The following ASIP variants were observed in gnomAD, a reference collection of about 807,000 sequenced individuals.
ASIP encodes agouti-signaling protein.
Under a neutral mutation model 10.3 loss-of-function variants are expected in ASIP, and 11 were observed. The observed-to-expected ratio is 1.07, with a 90% CI of 0.68 to 1.78. ASIP has a LOEUF of 1.78. Among genes scored for constraint, ASIP ranks in the 40% most tolerant of loss-of-function variants. ASIP has a pLI of 0.00. For missense variants in ASIP, 180 were observed against 169.2 expected, an observed-to-expected ratio of 1.06 and a Z score of -0.35; for synonymous variants, 70 against 70.8, an observed-to-expected ratio of 0.99 and a Z score of 0.06.
chr20:34,246,202 CT>C, intron 1 of ASIP: 1 of 1,430,978 alleles, frequency 7.0e-7, no homozygotes, highest in Non-Finnish European at 9.6e-7. Context: ...CCTTAGTAAG[CT>C]TTTGTGGTAT....
upstream of ASIP, among the ~76,000 whole-genome samples, chr20:34,239,409 G>A (rs2035254089): frequency 6.6e-6 from 1 of 152,058 alleles, no homozygotes; most frequent in Admixed American, 6.5e-5. Flanking sequence ...TAGAGACGGG[G>A]TATCACCATG....
intron 3 of ASIP, among the ~76,000 whole-genome samples, chr20:34,263,960 C>T (rs985908370): frequency 2.0e-4 from 30 of 151,990 alleles, no homozygotes; most frequent in African/African-American, 7.2e-4. Flanking sequence ...GGTGAGCCAC[C>T]TTGCCCAGCT....
chr20:34,186,816 G>GTTTTGT, the ASIP span, among the ~76,000 whole-genome samples: 1 of 151,998 alleles, frequency 6.6e-6, no homozygotes, highest in South Asian at 2.1e-4. Context: ...GTTTTGTTTT[G>GTTTTGT]TTTTGTTTTT....
intron 1 of ASIP, among the ~76,000 whole-genome samples, chr20:34,233,382 C>T (rs770218181): frequency 2.0e-5 from 3 of 152,030 alleles, no homozygotes; most frequent in Non-Finnish European, 2.9e-5. Context: ...CTCCTGACCT[C>T]ATGATCTGCC....
At chr20:34,194,867 C>G (rs1410589252) in intron 1 of ASIP, 1 of 152,206 alleles carries the variant, frequency 6.6e-6, no homozygotes. Context: ...TTGACTTCTT[C>G]TTCTCCTCGT....
At chr20:34,253,109 T>A (rs923991239) in intron 1 of ASIP, among the ~76,000 whole-genome samples, 1 of 152,132 alleles carries the variant, frequency 6.6e-6, no homozygotes, top group Admixed American at 6.6e-5. Context: ...CTCTTTCTTT[T>A]TTTTTTATTT....
chr20:34,213,553 G>T (rs2034988324), intron 1 of ASIP: 4 of 1,535,576 alleles, frequency 2.6e-6, no homozygotes, highest in Non-Finnish European at 3.5e-6. Flanking sequence ...TTCAAAAATT[G>T]CATGAAGCAG....
intron 1 of ASIP, among the ~76,000 whole-genome samples, chr20:34,233,374 C>T (rs1177048666): frequency 6.6e-6 from 1 of 151,966 alleles, no homozygotes; most frequent in East Asian, 1.9e-4. Flanking sequence ...GTCTTGATCT[C>T]CTGACCTCAT....
intron 1 of ASIP, among the ~76,000 whole-genome samples, chr20:34,207,853 G>A (rs769472766): frequency 6.6e-5 from 10 of 151,868 alleles, no homozygotes; most frequent in South Asian, 4.2e-4. Context: ...GCAGTGGCAC[G>A]ATCTGGGCTC....
chr20:34,213,915 AC>A (rs1384378847), intron 1 of ASIP: 5 of 1,583,858 alleles, frequency 3.2e-6, no homozygotes, highest in Non-Finnish European at 4.3e-6. Flanking sequence ...CATGGTTGAG[AC>A]AGTCTGCTAG....
intron 1 of ASIP, among the ~76,000 whole-genome samples, chr20:34,213,015 A>T (rs533128502): frequency 6.6e-6 from 1 of 152,318 alleles, no homozygotes; most frequent in Non-Finnish European, 1.5e-5. Flanking sequence ...TAGAATGTTT[A>T]TCCCTCCAAA....
At chr20:34,213,791 T>C (rs2034989853) in intron 1 of ASIP, 1 of 1,506,492 alleles carries the variant, frequency 6.6e-7, no homozygotes, top group Non-Finnish European at 9.2e-7. Context: ...AAGGGACAAC[T>C]GAGGGCCAGC....
At chr20:34,251,724 G>A (rs1426245714) in intron 1 of ASIP, among the ~76,000 whole-genome samples, 1 of 152,100 alleles carries the variant, frequency 6.6e-6, no homozygotes, top group Non-Finnish European at 1.5e-5. Flanking sequence ...AAGGAGGTGG[G>A]GCCTTTTGGA....
chr20:34,260,064 A>C (rs1051256821), intron 1 of ASIP, among the ~76,000 whole-genome samples: 12 of 151,844 alleles, frequency 7.9e-5, no homozygotes, highest in African/African-American at 2.9e-4. Context: ...AAAAAAACAC[A>C]CAGAAGCAGC....
At chr20:34,249,423 A>G (rs2035437861) in intron 1 of ASIP, among the ~76,000 whole-genome samples, 1 of 151,976 alleles carries the variant, frequency 6.6e-6, no homozygotes, top group Admixed American at 6.6e-5. Context: ...TACTGCTGAA[A>G]CTTTACTGAG....
chr20:34,244,727 C>T (rs549798713), intron 1 of ASIP, among the ~76,000 whole-genome samples: 8 of 152,266 alleles, frequency 5.3e-5, no homozygotes, highest in Admixed American at 3.3e-4. Context: ...TTTCAAACAG[C>T]GCACATTCAT....
chr20:34,240,477 C>A (rs576037973), upstream of ASIP, among the ~76,000 whole-genome samples: 1 of 152,304 alleles, frequency 6.6e-6, no homozygotes, highest in South Asian at 2.1e-4. Flanking sequence ...AAGAAAAGAA[C>A]TGCAGCGTCA....
intron 3 of ASIP, among the ~76,000 whole-genome samples, chr20:34,266,007 T>C (rs2035778387): frequency 6.6e-6 from 1 of 151,782 alleles, no homozygotes; most frequent in African/African-American, 2.4e-5. Flanking sequence ...TCTGGGTGAA[T>C]GGATGGTATT....
upstream of ASIP, among the ~76,000 whole-genome samples, chr20:34,191,734 T>TC (rs1365678888): frequency 6.8e-6 from 1 of 147,914 alleles, no homozygotes; most frequent in East Asian, 2.0e-4. Context: ...CTCTCTCTTT[T>TC]TTTTTTTTTT....
Sources: allele counts gnomAD v4.1 joint callset (sites outside exome capture counted in the v4.1 genomes callset), GRCh38; gene constraint gnomAD v4.1.1; transcripts MANE v1.5; gene names NCBI Gene and HGNC (gene_info 2026-07-23, HGNC 2026-07-21).